The following CXCL2 variants were observed in gnomAD, a reference collection of about 807,000 sequenced individuals.
CXCL2 encodes C-X-C motif chemokine 2.
A neutral mutation model predicts 11.2 loss-of-function variants in CXCL2; 12 were observed. The ratio of observed to expected loss-of-function variants is 1.08; its 90% CI spans 0.69 to 1.74. CXCL2 has a LOEUF of 1.74. Among genes scored for constraint, CXCL2 ranks in the 40% most tolerant of loss-of-function variants. The probability of loss-of-function intolerance (pLI) is 0.00; values close to 1 mark genes in which losing one functional copy is unlikely to be tolerated. For synonymous variants in CXCL2, 68 were observed against 61.9 expected, an observed-to-expected ratio of 1.10 and a Z score of -0.47; for missense variants, 120 against 137.8, an observed-to-expected ratio of 0.87 and a Z score of 0.65.
chr4:74,098,819 G>T lies in CXCL2; in HGVS notation c.204C>A (p.His68Gln). The change falls in exon 2 of 4, where the codon CAC becomes CAA. Residue 68 changes from histidine (H) to glutamine (Q), a missense_variant. By Grantham distance (24) the His-to-Gln change is conservative. Transcript: ENST00000508487. ...QSVKVKSPGP[H>Q]CAQTEVIATL... ...CTTACATGACTTCGGTTTGGGCGCA[G>T]TGGGGTCCGGGGGACTTCACCTTCA... 6.2e-7 allele frequency: 1 copy of T among 1,614,144 alleles called. No individual in the cohort carries two copies. The highest frequency in any genetic ancestry group is 1.1e-5 in the South Asian group (1 of 91,086).
In CXCL2 at chr4:74,098,840, C is replaced by G. The variant is rs200149133; in HGVS notation, c.183G>C (p.Lys61Asn). 6.2e-7 allele frequency: 1 copy of G among 1,614,186 alleles called. No individual in the cohort carries two copies. The highest frequency in any genetic ancestry group is 8.5e-7 in the Non-Finnish European group (1 of 1,180,020). ...GIHLKNIQSV[K>N]VKSPGPHCAQ... ...CGCAGTGGGGTCCGGGGGACTTCACCTTCACACTTTGGATGTTCTTGAGGT... is the reference window on the plus strand; with the variant it reads ...CGCAGTGGGGTCCGGGGGACTTCACGTTCACACTTTGGATGTTCTTGAGGT... The change falls in exon 2 of 4, where the codon AAG becomes AAC. Residue 61 changes from lysine (K) to asparagine (N), a missense_variant. Lys to Asn is a moderately conservative substitution (Grantham distance 94). Coordinates refer to ENST00000508487, the MANE Select transcript of CXCL2 (RefSeq NM_002089.4).
rs1272155009 is a variant in CXCL2, at chr4:74,097,616, A to C, written c.*140T>G. 2.1e-6 allele frequency: 1 copy of C among 466,768 alleles called. No individual in the cohort carries two copies. Among genetic ancestry groups the C allele is most frequent in the African/African-American group, 2.0e-5 (1 of 49,738 alleles). 28.9% of individuals were successfully genotyped at this position (466,768 alleles called of 1,614,324 possible). On this transcript the variant is annotated 3_prime_UTR_variant, in exon 4 of 4. Transcript: ENST00000508487. ...AAATAAATAAATAAATAAATAGAAG[A>C]CTTCTCCTAAGTGATGCTCAAACAC...
rs778843350 is a variant in CXCL2, at chr4:74,098,863, G to C, written c.160C>G (p.Leu54Val). 1 of 1,614,222 alleles carries C rather than the reference G, an allele frequency of 6.2e-7. No individual in the cohort carries two copies. The highest frequency in any genetic ancestry group is 8.5e-7 in the Non-Finnish European group (1 of 1,180,030). Residue 54 changes from leucine (L) to valine (V), a missense_variant, in exon 2 of 4, where the codon CTC (leucine) becomes GTC (valine). Physicochemically the swap from Leu to Val is conservative, Grantham distance 32. Transcript: ENST00000508487. ...QCLQTLQGIH[L>V]KNIQSVKVKS... ...ACCTTCACACTTTGGATGTTCTTGA[G>C]GTGAATTCCCTGCAGGGTCTGCAAG...
chr4:74,097,512 G>A lies in CXCL2; in HGVS notation c.*244C>T, dbSNP rs1015693474. The stretch of plus-strand genomic sequence containing the variant: ...CTAAAATAAACAATAAATATAATGG[G>A]AGAGTGTGCAAGTAGATTCAATCAT... On this transcript the variant is annotated 3_prime_UTR_variant, in exon 4 of 4. Transcript: ENST00000508487. 1.4e-5 allele frequency: 4 copies of A among 278,438 alleles called. No individual in the cohort carries two copies. Among genetic ancestry groups the A allele is most frequent in the African/African-American group, 6.5e-5 (3 of 45,932 alleles). The allele number at this position is 278,438 out of a possible 1,614,324, so 17.2% of individuals were successfully genotyped here.
Position 74,098,697 on chromosome 4 carries a change from G to T in CXCL2, c.225-13C>A. 6.2e-7 allele frequency: 1 copy of T among 1,614,124 alleles called. No homozygotes were observed. The highest frequency in any genetic ancestry group is 8.5e-7 in the Non-Finnish European group (1 of 1,180,008). On this transcript the variant is annotated splice_polypyrimidine_tract_variant and intron_variant, in intron 2 of 3. Coordinates refer to ENST00000508487, the MANE Select transcript of CXCL2 (RefSeq NM_002089.4). ...CTTGAGTGTGGCTCTGCAGAGAGAAGGGAATCTCGTGAGACAGGAGGTCGG... is the reference window on the plus strand; with the variant it reads ...CTTGAGTGTGGCTCTGCAGAGAGAATGGAATCTCGTGAGACAGGAGGTCGG...
rs1240636111 is a variant in CXCL2, at chr4:74,098,849, T to C, written c.174A>G (p.Gln58=). 4 of 1,614,014 alleles carry C rather than the reference T, an allele frequency of 2.5e-6. No individual in the cohort carries two copies. In the African/African-American group the frequency reaches 4.0e-5, roughly 16 times the overall value. The change falls in exon 2 of 4, where the codon CAA becomes CAG. Residue 58 remains glutamine, a synonymous_variant. Transcript: ENST00000508487. The part of the protein sequence containing the change: ...TLQGIHLKNI[Q]SVKVKSPGPH... ...GTCCGGGGGACTTCACCTTCACACT[T>C]TGGATGTTCTTGAGGTGAATTCCCT...
In CXCL2 at chr4:74,099,111, C is replaced by A. The variant is rs1156758045; in HGVS notation, c.10G>T (p.Ala4Ser). The change falls in exon 1 of 4, where the codon GCC becomes TCC. Residue 4 changes from alanine (A) to serine (S), a missense_variant. Transcript: ENST00000508487. ...TTGCTGGGGGCGGCGGAGAGCGTGG[C>A]GCGGGCCATGGGGCTCAGCAGGCGG... Reference protein sequence around the residue: MARATLSAAPSNPR... With the variant: MARSTLSAAPSNPR... The A allele has an allele frequency of 6.7e-7, 1 of 1,495,070 alleles. No individual in the cohort carries two copies. 92.6% of individuals were successfully genotyped at this position (1,495,070 alleles called of 1,614,324 possible). A position where few individuals can be genotyped will look rare whatever the true frequency, so the allele number is the denominator to read the frequency against.
At chr4:74,097,873 G>A in intron 3 of CXCL2, 102 bp from the exon 4 acceptor site, 1 of 1,273,124 alleles carries the variant, frequency 7.9e-7, no homozygotes, top group Non-Finnish European at 1.0e-6. Flanking sequence ...TTTTCTGAAT[G>A]CAGTTTCCCC....
At chr4:74,097,800 A>G (rs1336057061) in intron 3 of CXCL2, 29 bp from the exon 4 acceptor site, 24 of 1,583,240 alleles carry the variant, frequency 1.5e-5, no homozygotes, top group Non-Finnish European at 2.0e-5. Flanking sequence ...TGCCCTGAGT[A>G]GGTGCTCAGG....
Position 74,097,756 on chromosome 4 carries a change from T to G in CXCL2, c.324A>C (p.Ter108CysextTer13). ...CAATAAGCTTCCTCCTTCCTTCTGG[T>G]CAGTTGGATTTGCCACTGTAATGAG... Reference protein sequence around the residue: ...EKMLKNGKSN* With the variant: ...EKMLKNGKSNC The change falls in exon 4 of 4, where the codon TGA becomes TGC. Residue 108 changes from the stop codon to cysteine (C), a stop_lost. Transcript: ENST00000508487. 6.2e-7 allele frequency: 1 copy of G among 1,603,172 alleles called. No homozygotes were observed. The highest frequency in any genetic ancestry group is 2.2e-5 in the East Asian group (1 of 44,664).
rs114657535 is a variant in CXCL2, at chr4:74,098,092, C to T, written c.309-321G>A. Reference sequence around the variant, plus strand: ...CAAAGCAACCTCATGATGTAGCTACCATTATTTTCCCTGTTTTGCTGAGTC... The same window carrying T: ...CAAAGCAACCTCATGATGTAGCTACTATTATTTTCCCTGTTTTGCTGAGTC... On this transcript the variant is annotated intron_variant, in intron 3 of 3. Coordinates refer to ENST00000508487, the MANE Select transcript of CXCL2 (RefSeq NM_002089.4). 4.2e-3 allele frequency among the ~76,000 whole-genome samples: 642 copies of T among 152,278 alleles called. 3 individuals carry two copies. Among genetic ancestry groups the T allele is most frequent in the African/African-American group, 0.015 (610 of 41,538 alleles).
chr4:74,098,902 G>A lies in CXCL2; in HGVS notation c.121C>T (p.Leu41=). ...RAAGAPLATE[L]RCQCLQTLQG... ...AGGGTCTGCAAGCACTGGCAGCGCA[G>A]TTCAGTGGCCAGGGGCGCTCCTAGG... Residue 41 remains leucine (L), a synonymous_variant, in exon 2 of 4, where the codon CTG becomes TTG. Coordinates refer to ENST00000508487, the MANE Select transcript of CXCL2 (RefSeq NM_002089.4). 6.2e-7 allele frequency: 1 copy of A among 1,614,172 alleles called. No homozygotes were observed. The highest frequency in any genetic ancestry group is 8.5e-7 in the Non-Finnish European group (1 of 1,180,024).
Position 74,099,188 on chromosome 4 carries a change from G to T in CXCL2, c.-68C>A. On this transcript the variant is annotated 5_prime_UTR_variant, in exon 1 of 4. Coordinates refer to ENST00000508487, the MANE Select transcript of CXCL2 (RefSeq NM_002089.4). ...CTGGCAAGGAGCTGCCTGTGGCCCG[G>T]GCTCTGTGGCTCTCCGAGAACGGCG... 7.2e-7 allele frequency: 1 copy of T among 1,380,556 alleles called. No individual in the cohort carries two copies. The highest frequency in any genetic ancestry group is 9.3e-7 in the Non-Finnish European group (1 of 1,071,924). The allele number at this position is 1,380,556 out of a possible 1,614,324, so 85.5% of individuals were successfully genotyped here. A position where few individuals can be genotyped will look rare whatever the true frequency, so the allele number is the denominator to read the frequency against.
In CXCL2 at chr4:74,098,665, G is replaced by T. The variant is rs1560392068; in HGVS notation, c.244C>A (p.Gln82Lys). The change falls in exon 3 of 4, where the codon CAG (glutamine) becomes AAG (lysine). Residue 82 changes from glutamine (Q) to lysine (K), a missense_variant. Transcript: ENST00000508487. ...TEVIATLKNG[Q>K]KACLNPASPM... Reference sequence around the variant, plus strand: ...GATGCGGGGTTGAGACAAGCTTTCTGCCCATTCTTGAGTGTGGCTCTGCAG... The same window carrying T: ...GATGCGGGGTTGAGACAAGCTTTCTTCCCATTCTTGAGTGTGGCTCTGCAG... The T allele has an allele frequency of 3.1e-6, 5 of 1,614,096 alleles. No individual in the cohort carries two copies. The highest frequency in any genetic ancestry group is 1.3e-5 in the African/African-American group (1 of 75,030).
rs2109775498 is a variant in CXCL2, at chr4:74,097,791, G to C, written c.309-20C>G. On this transcript the variant is annotated intron_variant, in intron 3 of 3. Coordinates refer to ENST00000508487, the MANE Select transcript of CXCL2 (RefSeq NM_002089.4). ...TTGCCACTGTAATGAGAAAATGGGT[G>C]CCCTGAGTAGGTGCTCAGGAAAGCT... 1 of 1,591,700 alleles carries C rather than the reference G, an allele frequency of 6.3e-7. No individual in the cohort carries two copies. The highest frequency in any genetic ancestry group is 8.6e-7 in the Non-Finnish European group (1 of 1,167,058).
chr4:74,097,721 G>C lies in CXCL2; in HGVS notation c.*35C>G, dbSNP rs747221629. On this transcript the variant is annotated 3_prime_UTR_variant, in exon 4 of 4. Transcript: ENST00000508487. Reference sequence around the variant, plus strand: ...CCTGTAAGGGCAGGGCCTCCTTCAGGAACAGCCACCAATAAGCTTCCTCCT... The same window carrying C: ...CCTGTAAGGGCAGGGCCTCCTTCAGCAACAGCCACCAATAAGCTTCCTCCT... 10 of 1,590,960 alleles carry C rather than the reference G, an allele frequency of 6.3e-6. No homozygotes were observed. The South Asian group carries it at 1.1e-4, about 18-fold the overall frequency.
rs1303749385 is a variant in CXCL2 at position 74,098,583 on chromosome 4, A to G, written c.308+18T>C. On this transcript the variant is annotated intron_variant, in intron 3 of 3. Transcript: ENST00000508487. ...CCAACAGCTCCAGTCGCCTGTGTAC[A>G]TGGAAATTATAACTTACTTTTTCAG... The G allele has an allele frequency of 3.1e-6, 5 of 1,612,692 alleles. No homozygotes were observed. Among genetic ancestry groups the G allele is most frequent in the African/African-American group, 1.3e-5 (1 of 74,888 alleles).
At chr4:74,098,978 C>A in intron 1 of CXCL2, 43 bp downstream of exon 1, 2 of 1,575,024 alleles carry the variant, frequency 1.3e-6, no homozygotes, top group South Asian at 1.1e-5. Context: ...GGCGCCCACC[C>A]CAGCCGCGTC....
chr4:74,098,474 T>C, intron 3 of CXCL2, 127 bp downstream of exon 3: 2 of 1,010,034 alleles, frequency 2.0e-6, no homozygotes, highest in Non-Finnish European at 2.9e-6. Flanking sequence ...GGCAACTTTG[T>C]GAAAATAATA....
Sources: gnomAD v4.1 joint callset for allele counts (sites outside exome capture counted in the v4.1 genomes callset) on GRCh38, gnomAD v4.1.1 for gene constraint, MANE v1.5 for transcripts, NCBI Gene and HGNC (gene_info 2026-07-23, HGNC 2026-07-21) for gene names.